Variants in RAB28 observed in about 807,000 individuals in gnomAD.
The protein encoded by RAB28 is ras-related protein Rab-28.
RAB28 carries 24 observed loss-of-function variants against 31.7 expected under a neutral mutation model. The observed-to-expected ratio is 0.76, with a 90% CI of 0.55 to 1.06. The LOEUF (loss-of-function observed/expected upper bound fraction) is 1.06, where lower values mean the gene tolerates loss of function less well. Among genes scored for constraint, RAB28 ranks in the 50% least tolerant of loss-of-function variants. The probability of loss-of-function intolerance (pLI) is 0.00; values close to 1 mark genes in which losing one functional copy is unlikely to be tolerated. For missense variants in RAB28, 254 were observed against 258.5 expected (o/e 0.98, Z 0.12); for synonymous variants, 100 against 90.4 (o/e 1.11, Z -0.60).
intron 4 of RAB28, among the ~76,000 whole-genome samples, chr4:13,391,479 T>C (rs562745047): frequency 5.7e-4 from 87 of 152,308 alleles, no homozygotes; most frequent in African/African-American, 1.5e-3. Context: ...AGTTCAACCA[T>C]TGTGGAAGAC....
intron 4 of RAB28, among the ~76,000 whole-genome samples, chr4:13,407,042 C>A (rs568009713): frequency 6.6e-6 from 1 of 152,096 alleles, no homozygotes; most frequent in Non-Finnish European, 1.5e-5. Context: ...GTTGCCATTG[C>A]TTTTGGGGTT....
intron 3 of RAB28, among the ~76,000 whole-genome samples, chr4:13,469,692 TCGA>T (rs1257614670): frequency 2.0e-5 from 3 of 152,000 alleles, no homozygotes; most frequent in Non-Finnish European, 4.4e-5. Flanking sequence ...AAGGTAATAA[TCGA>T]CAGCAATTTT....
chr4:13,381,885 A>T (rs1016039812), intron 4 of RAB28, among the ~76,000 whole-genome samples: 4 of 152,180 alleles, frequency 2.6e-5, no homozygotes, highest in South Asian at 4.1e-4. Context: ...TATTATTATC[A>T]TCTGTATAAG....
intron 4 of RAB28, among the ~76,000 whole-genome samples, chr4:13,459,402 A>G (rs1208807468): frequency 6.6e-6 from 1 of 152,158 alleles, no homozygotes; most frequent in Non-Finnish European, 1.5e-5. Context: ...ACAGAACCCT[A>G]ATATATACTC....
intron 4 of RAB28, among the ~76,000 whole-genome samples, chr4:13,387,149 G>T (rs1287101996): frequency 6.6e-6 from 1 of 152,012 alleles, no homozygotes; most frequent in African/African-American, 2.4e-5. Flanking sequence ...TAGGTACTAG[G>T]TGTAATACCT....
chr4:13,453,436 C>G (rs953711327), intron 4 of RAB28, among the ~76,000 whole-genome samples: 4 of 152,060 alleles, frequency 2.6e-5, no homozygotes, highest in African/African-American at 9.7e-5. Flanking sequence ...TGTATTGGCT[C>G]TAGCAGCAAG....
At chr4:13,465,856 T>A (rs1715817781) in intron 3 of RAB28, among the ~76,000 whole-genome samples, 1 of 151,628 alleles carries the variant, frequency 6.6e-6, no homozygotes. Context: ...AACAGCATGG[T>A]ACCGGCAAAA....
intron 2 of RAB28, among the ~76,000 whole-genome samples, chr4:13,477,163 T>C (rs2108974981): frequency 6.6e-6 from 1 of 151,722 alleles, no homozygotes; most frequent in South Asian, 2.1e-4. Flanking sequence ...CAGCAGAATC[T>C]CTGACTAACA....
intron 3 of RAB28, among the ~76,000 whole-genome samples, chr4:13,468,893 C>T (rs922107592): frequency 2.2e-4 from 33 of 151,774 alleles, no homozygotes; most frequent in Admixed American, 2.0e-3. Flanking sequence ...TATGGGTTTT[C>T]ACTACCGATC....
At position 13,401,546 on chromosome 4, in the gene RAB28, A is replaced by G. The variant is rs185869445; in HGVS notation, c.392-19952T>C. On this transcript the variant is annotated intron_variant, in intron 4 of 6. Coordinates refer to ENST00000330852, the MANE Select transcript of RAB28 (RefSeq NM_001017979.3). ...AAAATAATTTTAAAAAAAATTGTTA[A>G]GGAATTTGTTCGTTTAATCTAAATT... Among the ~76,000 whole-genome samples, 5 of 152,356 alleles carry G rather than the reference A, an allele frequency of 3.3e-5. No individual in the cohort carries two copies. In the East Asian group the frequency reaches 7.7e-4, roughly 23 times the overall value.
At chr4:13,450,429 T>C (rs1336391922) in intron 4 of RAB28, among the ~76,000 whole-genome samples, 1 of 151,938 alleles carries the variant, frequency 6.6e-6, no homozygotes, top group Non-Finnish European at 1.5e-5. Flanking sequence ...CTAAAGGCCA[T>C]CTAATGGATT....
intron 6 of RAB28, among the ~76,000 whole-genome samples, chr4:13,376,234 TTAAA>T (rs1468133389): frequency 6.6e-6 from 1 of 152,102 alleles, no homozygotes; most frequent in Non-Finnish European, 1.5e-5. Flanking sequence ...CCAAAAGGAT[TTAAA>T]TAAAGAAGTG....
intron 6 of RAB28, chr4:13,371,011 C>T (rs1728692486): frequency 1.0e-6 from 1 of 984,174 alleles, no homozygotes; most frequent in African/African-American, 1.7e-5. Flanking sequence ...TAACTTATTT[C>T]AGGACACATA....
chr4:13,482,185 A>G (rs548971195), intron 1 of RAB28, among the ~76,000 whole-genome samples: 1 of 152,310 alleles, frequency 6.6e-6, no homozygotes, highest in East Asian at 1.9e-4. Context: ...AAGTGAAAAA[A>G]TTATCCTGTC....
intron 4 of RAB28, among the ~76,000 whole-genome samples, chr4:13,394,466 T>A (rs9990970): frequency 0.018 from 2,702 of 152,256 alleles, 67 homozygotes; most frequent in African/African-American, 0.06. Context: ...ATGCTCACTG[T>A]CCACTGCTCA....
chr4:13,441,130 T>C (rs1714391908), intron 4 of RAB28, among the ~76,000 whole-genome samples: 1 of 152,164 alleles, frequency 6.6e-6, no homozygotes. Flanking sequence ...GTTGTGGAAG[T>C]AAGATGAACA....
chr4:13,375,284 C>A (rs908084246), intron 6 of RAB28, among the ~76,000 whole-genome samples: 1 of 152,120 alleles, frequency 6.6e-6, no homozygotes, highest in African/African-American at 2.4e-5. Context: ...ATAACACAGT[C>A]CCCCTGGCAC....
At chr4:13,469,994 C>A (rs1716044671) in intron 3 of RAB28, among the ~76,000 whole-genome samples, 1 of 152,044 alleles carries the variant, frequency 6.6e-6, no homozygotes. Context: ...CTGGACTTGA[C>A]AGAAGTTTTG....
intron 3 of RAB28, among the ~76,000 whole-genome samples, chr4:13,470,806 T>C (rs768972659): frequency 2.6e-5 from 4 of 152,138 alleles, no homozygotes; most frequent in African/African-American, 9.7e-5. Flanking sequence ...TTCTTAGAAC[T>C]AGTTCTTGTC....
Sources: gnomAD v4.1 joint callset for allele counts (sites outside exome capture counted in the v4.1 genomes callset) on GRCh38, gnomAD v4.1.1 for gene constraint, MANE v1.5 for transcripts, NCBI Gene and HGNC (gene_info 2026-07-23, HGNC 2026-07-21) for gene names.